The following POU6F2 variants were observed in gnomAD, a reference collection of about 807,000 sequenced individuals.
The protein encoded by POU6F2 is POU domain, class 6, transcription factor 2.
Under a neutral mutation model 71.3 loss-of-function variants are expected in POU6F2, and 31 were observed. That is an observed-to-expected ratio of 0.43 (90% CI 0.33 to 0.59). The LOEUF (loss-of-function observed/expected upper bound fraction) is 0.59. Among genes scored for constraint, POU6F2 ranks in the 20% least tolerant of loss-of-function variants. The pLI, the probability that POU6F2 is intolerant of heterozygous loss-of-function variation, is 0.04. For synonymous variants in POU6F2, 347 were observed against 355.7 expected (o/e 0.98, Z 0.27); for missense variants, 783 against 856.8 (o/e 0.91, Z 1.07).
At chr7:39,027,398 G>T (rs1186554257) in intron 1 of POU6F2, among the ~76,000 whole-genome samples, 1 of 152,082 alleles carries the variant, frequency 6.6e-6, no homozygotes, top group Admixed American at 6.6e-5. Flanking sequence ...TTAGGTTGTG[G>T]CACTGCAGTG....
At chr7:39,095,329 T>G (rs1005311866) in intron 2 of POU6F2, among the ~76,000 whole-genome samples, 4 of 152,200 alleles carry the variant, frequency 2.6e-5, no homozygotes, top group Non-Finnish European at 4.4e-5. Flanking sequence ...AATTATATCC[T>G]GTACTCCTAG....
intron 5 of POU6F2, among the ~76,000 whole-genome samples, chr7:39,381,143 C>T (rs1322813863): frequency 6.6e-6 from 1 of 152,204 alleles, no homozygotes; most frequent in Non-Finnish European, 1.5e-5. Flanking sequence ...CCCACTACAA[C>T]CTCTGCCCCG....
intron 2 of POU6F2, among the ~76,000 whole-genome samples, chr7:39,130,175 TG>T (rs1394911904): frequency 9.9e-5 from 15 of 151,592 alleles, no homozygotes; most frequent in African/African-American, 3.6e-4. Flanking sequence ...TGTGTGTGTG[TG>T]TGTGTTTTAA....
At chr7:39,245,962 TA>T (rs1783811392) in intron 4 of POU6F2, among the ~76,000 whole-genome samples, 1 of 152,150 alleles carries the variant, frequency 6.6e-6, no homozygotes, top group Non-Finnish European at 1.5e-5. Flanking sequence ...GACACTGAAA[TA>T]TTATTCATGA....
chr7:39,304,661 A>C (rs1785017290), intron 4 of POU6F2, among the ~76,000 whole-genome samples: 1 of 152,188 alleles, frequency 6.6e-6, no homozygotes, highest in Non-Finnish European at 1.5e-5. Context: ...CTCCATCCAA[A>C]GATTAAAATA....
chr7:39,144,565 A>G (rs984272421), intron 2 of POU6F2, among the ~76,000 whole-genome samples: 1 of 152,218 alleles, frequency 6.6e-6, no homozygotes, highest in African/African-American at 2.4e-5. Flanking sequence ...CTGTTTAAAG[A>G]ACTACTTGTA....
intron 7 of POU6F2, among the ~76,000 whole-genome samples, chr7:39,445,248 A>C (rs1020169642): frequency 6.6e-6 from 1 of 152,268 alleles, no homozygotes; most frequent in Non-Finnish European, 1.5e-5. Flanking sequence ...CAAGCCACCC[A>C]GAATGAGATA....
At chr7:39,116,388 G>A (rs1197004850) in intron 2 of POU6F2, among the ~76,000 whole-genome samples, 104 of 151,786 alleles carry the variant, frequency 6.9e-4, no homozygotes, top group Non-Finnish European at 2.9e-5. Context: ...GTGTCTCAAA[G>A]AAAAAAAATC....
chr7:39,057,220 C>T (rs553308504), intron 1 of POU6F2, among the ~76,000 whole-genome samples: 1 of 152,012 alleles, frequency 6.6e-6, no homozygotes, highest in African/African-American at 2.4e-5. Context: ...TTCTCATTCT[C>T]CTTACTACTT....
intron 1 of POU6F2, among the ~76,000 whole-genome samples, chr7:39,052,446 C>T (rs1370663140): frequency 6.6e-6 from 1 of 152,056 alleles, no homozygotes; most frequent in Non-Finnish European, 1.5e-5. Context: ...CACCTCTTCA[C>T]AGGGCAGCAG....
At chr7:39,240,934 T>G (rs1351803044) in intron 4 of POU6F2, among the ~76,000 whole-genome samples, 1 of 152,140 alleles carries the variant, frequency 6.6e-6, no homozygotes, top group Non-Finnish European at 1.5e-5. Flanking sequence ...ATTGGCATTT[T>G]TATTGGCTCA....
chr7:39,403,902 CTG>C (rs1787358679), intron 5 of POU6F2, among the ~76,000 whole-genome samples: 1 of 152,226 alleles, frequency 6.6e-6, no homozygotes, highest in South Asian at 2.1e-4. Context: ...CACCCACTGT[CTG>C]TGCACACCAC....
intron 4 of POU6F2, among the ~76,000 whole-genome samples, chr7:39,311,464 C>T (rs775142569): frequency 6.6e-6 from 1 of 152,148 alleles, no homozygotes; most frequent in Non-Finnish European, 1.5e-5. Flanking sequence ...TGTCTTCCTC[C>T]GCTAGAACGT....
At chr7:38,981,572 C>T (rs1308258667) in intron 1 of POU6F2, among the ~76,000 whole-genome samples, 1 of 152,084 alleles carries the variant, frequency 6.6e-6, no homozygotes, top group East Asian at 1.9e-4. Context: ...TCAAGTATAT[C>T]TAAGAGTTTG....
At chr7:39,124,460 T>G (rs1183206987) in intron 2 of POU6F2, among the ~76,000 whole-genome samples, 2 of 152,202 alleles carry the variant, frequency 1.3e-5, no homozygotes, top group African/African-American at 4.8e-5. Flanking sequence ...TTGAAATAAA[T>G]AAGAATAACT....
intron 1 of POU6F2, among the ~76,000 whole-genome samples, chr7:39,065,247 AAAACCC>A (rs1790733049): frequency 1.3e-5 from 2 of 151,772 alleles, no homozygotes; most frequent in African/African-American, 4.8e-5. Context: ...CAAATTTGTA[AAAACCC>A]TCCACTAAAT....
At chr7:39,462,841 C>T (rs896790259) in intron 9 of POU6F2, among the ~76,000 whole-genome samples, 1 of 152,140 alleles carries the variant, frequency 6.6e-6, no homozygotes, top group East Asian at 1.9e-4. Flanking sequence ...ATGGAAATTG[C>T]ATTAAAATTT....
intron 4 of POU6F2, among the ~76,000 whole-genome samples, chr7:39,328,172 G>A (rs1303134240): frequency 6.6e-6 from 1 of 152,132 alleles, no homozygotes; most frequent in East Asian, 1.9e-4. Context: ...ACCTGCCTTG[G>A]CCTCCCAAAG....
chr7:39,283,239 A>G (rs1784592743), intron 4 of POU6F2, among the ~76,000 whole-genome samples: 1 of 152,040 alleles, frequency 6.6e-6, no homozygotes, highest in African/African-American at 2.4e-5. Flanking sequence ...GGACAATTTA[A>G]CTTCTTCCTT....
Sources: gnomAD v4.1 joint callset for allele counts (sites outside exome capture counted in the v4.1 genomes callset) on GRCh38, gnomAD v4.1.1 for gene constraint, MANE v1.5 for transcripts, NCBI Gene and HGNC (gene_info 2026-07-23, HGNC 2026-07-21) for gene names.